The following MED23 variants were observed in gnomAD, a reference collection of about 807,000 sequenced individuals.
MED23 encodes mediator complex subunit 23, also known as mediator of RNA polymerase II transcription subunit 23.
In MED23, 105 loss-of-function variants were observed where a neutral mutation model predicts 163.9. That is an observed-to-expected ratio of 0.64 (90% CI 0.55 to 0.75). The LOEUF is 0.75. MED23 is among the 30% of genes least tolerant of loss of function. The pLI is 0.00. For missense variants in MED23, 1,054 were observed against 1,649.0 expected (o/e 0.64, Z 6.25); for synonymous variants, 561 against 565.6 (o/e 0.99, Z 0.12).
rs761943910 is a variant in MED23, at chr6:131,610,029, T to C, written c.1077+17A>G. 2 of 1,609,744 alleles carry C rather than the reference T, an allele frequency of 1.2e-6. No homozygotes were observed. The highest frequency in any genetic ancestry group is 1.7e-5 in the Admixed American group (1 of 59,998). On this transcript the variant is annotated intron_variant, in intron 11 of 28. Transcript: ENST00000368068. ...TCAACAGGTGAAGTCACTCCGACCA[T>C]AAGATTTAGTACATACCTTCTGATG...
At chr6:131,606,229 C>T (rs1249547755) in intron 13 of MED23, among the ~76,000 whole-genome samples, 1 of 151,328 alleles carries the variant, frequency 6.6e-6, no homozygotes, top group African/African-American at 2.4e-5. Context: ...ATAACATATA[C>T]AACTGAAGAT....
At chr6:131,574,170 C>A (rs573475393) in exon 31 of MED23, 4 of 1,243,082 alleles carry the variant, frequency 3.2e-6, no homozygotes, top group Admixed American at 1.7e-5. Flanking sequence ...AAACAAAGAA[C>A]AAAATCAAAC....
chr6:131,619,637 C>A (rs1776938903), intron 8 of MED23, among the ~76,000 whole-genome samples, 190 bp downstream of exon 8: 1 of 152,046 alleles, frequency 6.6e-6, no homozygotes. Context: ...CAGAGAGTTT[C>A]TTTTTCCTCC....
chr6:131,601,035 C>T (rs1465887173), intron 17 of MED23, among the ~76,000 whole-genome samples: 1 of 129,354 alleles, frequency 7.7e-6, no homozygotes, highest in Non-Finnish European at 1.5e-5. Flanking sequence ...GTTAAATCAG[C>T]TGCTTTTTTT....
intron 11 of MED23, 125 bp downstream of exon 11, chr6:131,609,920 TA>T (rs1373834762): frequency 2.3e-6 from 2 of 881,672 alleles, no homozygotes; most frequent in East Asian, 5.2e-5. Context: ...ATAAAAGCAC[TA>T]AACAGGACAG....
chr6:131,606,411 C>A (rs1308356171), intron 13 of MED23, 68 bp downstream of exon 13: 1 of 1,536,396 alleles, frequency 6.5e-7, no homozygotes, highest in African/African-American at 1.4e-5. Context: ...AACACCGAGA[C>A]CAATATTAGT....
rs187720737 is a variant in MED23, at chr6:131,597,507, A to C, written c.2607+780T>G. On this transcript the variant is annotated intron_variant, in intron 20 of 28. Transcript: ENST00000368068. ...AAAAAAAAAAAAAAAAGAAAAAAAA[A>C]ATTCTGCTGGAAATAGACATCAAAG... Among the ~76,000 whole-genome samples the C allele has an allele frequency of 4.0e-5, 6 of 151,354 alleles. No homozygotes were observed. The East Asian group carries it at 1.2e-3, about 29-fold the overall frequency.
At chr6:131,597,125 G>A (rs910428252) in intron 20 of MED23, among the ~76,000 whole-genome samples, 11 of 151,994 alleles carry the variant, frequency 7.2e-5, no homozygotes, top group South Asian at 4.1e-4. Flanking sequence ...AAATGTCACC[G>A]CCATAGAATT....
chr6:131,618,927 GA>G lies in MED23; in HGVS notation c.668-409del, dbSNP rs1172158800. 3.3e-5 allele frequency among the ~76,000 whole-genome samples: 5 copies of G among 152,272 alleles called. No homozygotes were observed. In the East Asian group the frequency reaches 7.7e-4, roughly 24 times the overall value. ...ATATTTACTACATGGCCCTTTACAG[GA>G]AAAAGTTTAAGACCACTAGTCCAGT... On this transcript the variant is annotated intron_variant, in intron 8 of 28. Transcript: ENST00000368068.
intron 11 of MED23, among the ~76,000 whole-genome samples, chr6:131,609,154 C>T (rs1338214127): frequency 1.3e-5 from 2 of 152,170 alleles, no homozygotes; most frequent in Non-Finnish European, 2.9e-5. Flanking sequence ...TCCATCGCTA[C>T]ACCACCTTCT....
In MED23 at chr6:131,609,494, TAG is replaced by T. The variant is rs1776102522; in HGVS notation, c.1077+550_1077+551del. 4.1e-5 allele frequency among the ~76,000 whole-genome samples: 6 copies of T among 147,356 alleles called. No homozygotes were observed. In the South Asian group the frequency reaches 1.3e-3, roughly 31 times the overall value. ...ATACAGCCATCCCTGATATTTCTGA[TAG>T]AGACTATTCCTTTTTTTTTTTTTTT... On this transcript the variant is annotated intron_variant, in intron 11 of 28. Transcript: ENST00000368068.
intron 30 of MED23, among the ~76,000 whole-genome samples, chr6:131,581,640 A>G (rs1301125369): frequency 6.6e-6 from 1 of 152,196 alleles, no homozygotes; most frequent in African/African-American, 2.4e-5. Context: ...AATCATTTAT[A>G]AACAGGTCAG....
At chr6:131,609,501 T>C (rs1255462101) in intron 11 of MED23, among the ~76,000 whole-genome samples, 1 of 141,514 alleles carries the variant, frequency 7.1e-6, no homozygotes, top group Non-Finnish European at 1.5e-5. Flanking sequence ...TGATAGAGAC[T>C]ATTCCTTTTT....
chr6:131,574,253 T>C, exon 31 of MED23: 2 of 1,613,542 alleles, frequency 1.2e-6, no homozygotes, highest in Non-Finnish European at 1.7e-6. Flanking sequence ...AGCGTTTTGC[T>C]TCCTCTTAAT....
At position 131,577,374 on chromosome 6, in the gene MED23, T is replaced by G. The variant is rs149267228; in HGVS notation, c.4096-3079A>C. The stretch of plus-strand genomic sequence containing the variant: ...TCTCAGGTAAACATATATTTACATT[T>G]TGACCCAGCAGTTCTACTCCTGGGT... On this transcript the variant is annotated intron_variant, in intron 30 of 30. Coordinates refer to the MED23 transcript ENST00000354577. Among the ~76,000 whole-genome samples, 74 of 152,290 alleles carry G rather than the reference T, an allele frequency of 4.9e-4. 2 individuals carry two copies. Among genetic ancestry groups the G allele is most frequent in the African/African-American group, 1.7e-3 (71 of 41,546 alleles).
chr6:131,615,232 C>G, intron 10 of MED23: 1 of 1,468,298 alleles, frequency 6.8e-7, no homozygotes, highest in Non-Finnish European at 9.5e-7. Flanking sequence ...TTTCAAGCCC[C>G]GACCATACAC....
intron 17 of MED23, among the ~76,000 whole-genome samples, chr6:131,600,698 C>G (rs953886130): frequency 1.3e-5 from 2 of 152,142 alleles, no homozygotes; most frequent in East Asian, 3.9e-4. Context: ...TGGGGATTCC[C>G]CAATAGCCCT....
intron 3 of MED23, chr6:131,627,082 CAT>C (rs902028923): frequency 7.1e-5 from 19 of 266,358 alleles, no homozygotes; most frequent in Non-Finnish European, 7.0e-6. Flanking sequence ...TAAAGCTTAA[CAT>C]ATCTGTTTTC....
intron 22 of MED23, 54 bp from the exon 23 acceptor site, chr6:131,594,389 GA>G: frequency 7.5e-7 from 1 of 1,332,588 alleles, no homozygotes; most frequent in East Asian, 2.3e-5. Context: ...TAATAACTGT[GA>G]AAAACTGATC....
Sources: gnomAD v4.1 joint callset for allele counts (sites outside exome capture counted in the v4.1 genomes callset) on GRCh38, gnomAD v4.1.1 for gene constraint, MANE v1.5 for transcripts, NCBI Gene and HGNC (gene_info 2026-07-23, HGNC 2026-07-21) for gene names.